GORAB: variants seen among roughly 807,000 people sequenced by gnomAD.
The protein encoded by GORAB is golgin, RAB6 interacting.
In GORAB, 17 loss-of-function variants were observed where a neutral mutation model predicts 29.9. The observed-to-expected ratio is 0.57, with a 90% CI of 0.39 to 0.85. The LOEUF (loss-of-function observed/expected upper bound fraction) is 0.85. GORAB is among the 40% of genes least tolerant of loss of function. GORAB has a pLI of 0.00. For missense variants in GORAB, 442 were observed against 437.8 expected (o/e 1.01, Z -0.09); for synonymous variants, 183 against 157.2 (o/e 1.16, Z -1.23).
intron 1 of GORAB, among the ~76,000 whole-genome samples, chr1:170,537,396 G>T (rs1649127833): frequency 6.6e-6 from 1 of 152,060 alleles, no homozygotes; most frequent in South Asian, 2.1e-4. Flanking sequence ...ACTGAATACT[G>T]ACTGTACAGT....
intron 1 of GORAB, among the ~76,000 whole-genome samples, chr1:170,535,269 C>A (rs1648987499): frequency 1.3e-5 from 2 of 152,300 alleles, no homozygotes; most frequent in South Asian, 4.1e-4. Context: ...ACTTCTACTA[C>A]TGTCATATTT....
At chr1:170,538,556 T>G (rs1485161222) in intron 1 of GORAB, among the ~76,000 whole-genome samples, 1 of 152,194 alleles carries the variant, frequency 6.6e-6, no homozygotes, top group Non-Finnish European at 1.5e-5. Context: ...ATTGCTTTAC[T>G]GAGGCTACTA....
intron 4 of GORAB, among the ~76,000 whole-genome samples, chr1:170,550,592 A>G (rs899317692): frequency 4.6e-5 from 7 of 152,222 alleles, no homozygotes; most frequent in African/African-American, 1.7e-4. Context: ...AAATGTCAGG[A>G]AGGTTTTGAA....
rs1649227809 is a variant in GORAB, at chr1:170,539,054, A to G, written c.62-156A>G. 11 of 799,672 alleles carry G rather than the reference A, an allele frequency of 1.4e-5. 1 individual carries two copies. The Middle Eastern group carries it at 1.0e-3, about 76-fold the overall frequency. 49.5% of individuals were successfully genotyped at this position (799,672 alleles called of 1,614,324 possible). Reference sequence around the variant, plus strand: ...TGAAAACTATTGAAACTCTACAGGAAGATGGCTGTTTTTCCCCTAGACTTT... The same window carrying G: ...TGAAAACTATTGAAACTCTACAGGAGGATGGCTGTTTTTCCCCTAGACTTT... On this transcript the variant is annotated intron_variant, in intron 1 of 4. Coordinates refer to ENST00000367763, the MANE Select transcript of GORAB (RefSeq NM_152281.3).
intron 4 of GORAB, chr1:170,545,730 A>C: frequency 2.0e-6 from 2 of 985,148 alleles, no homozygotes; most frequent in Non-Finnish European, 1.2e-6. Context: ...TTATATAACA[A>C]TTTATTAAAG....
intron 1 of GORAB, 77 bp downstream of exon 1, chr1:170,532,361 A>G (rs1304107566): frequency 9.3e-6 from 14 of 1,498,158 alleles, no homozygotes; most frequent in South Asian, 1.1e-5. Context: ...TGGCGGGGAA[A>G]GGGGGCGTGG....
chr1:170,537,279 A>G (rs1571240812), intron 1 of GORAB, among the ~76,000 whole-genome samples: 1 of 152,158 alleles, frequency 6.6e-6, no homozygotes, highest in African/African-American at 2.4e-5. Context: ...TAGGTTAGCC[A>G]TTGCATTGTG....
intron 2 of GORAB, 59 bp from the exon 3 acceptor site, chr1:170,542,432 T>C (rs1490767796): frequency 1.0e-6 from 1 of 961,648 alleles, no homozygotes; most frequent in Non-Finnish European, 1.7e-6. Context: ...AGGTGTTGGA[T>C]AGGGTAGCAG....
intron 4 of GORAB, among the ~76,000 whole-genome samples, chr1:170,546,900 G>C (rs944072155): frequency 2.6e-5 from 4 of 152,044 alleles, no homozygotes; most frequent in Admixed American, 6.5e-5. Flanking sequence ...GGCCAGGCTG[G>C]TCTCCAACTC....
intron 2 of GORAB, among the ~76,000 whole-genome samples, chr1:170,540,314 C>A (rs1649334969): frequency 6.6e-6 from 1 of 152,062 alleles, no homozygotes; most frequent in South Asian, 2.1e-4. Context: ...TTTGCAAATT[C>A]TTAGAATTTT....
At chr1:170,537,170 A>C (rs1042797559) in intron 1 of GORAB, among the ~76,000 whole-genome samples, 1 of 149,838 alleles carries the variant, frequency 6.7e-6, no homozygotes, top group East Asian at 1.9e-4. Context: ...TCTTTTATCC[A>C]ATCTTTACAT....
At chr1:170,535,724 C>T (rs1015138517) in intron 1 of GORAB, among the ~76,000 whole-genome samples, 1 of 151,710 alleles carries the variant, frequency 6.6e-6, no homozygotes, top group African/African-American at 2.4e-5. Flanking sequence ...TCCTTTCTTT[C>T]TTCTTTTTTT....
chr1:170,553,137 TTTA>T lies in GORAB; in HGVS notation c.*678_*680del. 2.3e-6 allele frequency: 1 copy of T among 438,498 alleles called. No individual in the cohort carries two copies. The highest frequency in any genetic ancestry group is 4.5e-6 in the Non-Finnish European group (1 of 221,230). The allele number at this position is 438,498 out of a possible 1,614,324, so 27.2% of individuals were successfully genotyped here. On this transcript the variant is annotated 3_prime_UTR_variant, in exon 5 of 5. Coordinates refer to ENST00000367763, the MANE Select transcript of GORAB (RefSeq NM_152281.3). ...ATATAAACACATGTAATTTTACTAT[TTTA>T]TTGTCTTTCCTTTAATCGATGAATT...
intron 4 of GORAB, among the ~76,000 whole-genome samples, chr1:170,547,810 C>T (rs766034389): frequency 6.6e-6 from 1 of 152,148 alleles, no homozygotes; most frequent in Non-Finnish European, 1.5e-5. Context: ...AGTCTAGATA[C>T]TTGTAAAATA....
chr1:170,544,681 C>T (rs754566739), intron 3 of GORAB, 24 bp from the exon 4 acceptor site: 1 of 1,609,350 alleles, frequency 6.2e-7, no homozygotes, highest in Non-Finnish European at 8.5e-7. Context: ...TCTTATTTTC[C>T]CACTCACATA....
At chr1:170,541,081 G>A (rs905098417) in intron 2 of GORAB, among the ~76,000 whole-genome samples, 3 of 151,762 alleles carry the variant, frequency 2.0e-5, no homozygotes, top group Admixed American at 2.0e-4. Flanking sequence ...GTGCATGCCT[G>A]TAGTCCCAGC....
At chr1:170,535,571 CA>C (rs1029488514) in intron 1 of GORAB, among the ~76,000 whole-genome samples, 13 of 152,214 alleles carry the variant, frequency 8.5e-5, no homozygotes, top group African/African-American at 3.1e-4. Context: ...GACTGGCTTT[CA>C]CTCTGTTGCC....
At chr1:170,535,002 G>A (rs1350179208) in intron 1 of GORAB, among the ~76,000 whole-genome samples, 1 of 152,100 alleles carries the variant, frequency 6.6e-6, no homozygotes, top group African/African-American at 2.4e-5. Flanking sequence ...GTTTTCACTC[G>A]TTTCATGTTT....
At chr1:170,545,836 T>C (rs1352076395) in intron 4 of GORAB, 2 of 667,888 alleles carry the variant, frequency 3.0e-6, no homozygotes, top group Non-Finnish European at 3.7e-6. Context: ...TGTTGGACCA[T>C]ATGCTATTAG....
Sources: allele counts gnomAD v4.1 joint callset (sites outside exome capture counted in the v4.1 genomes callset), GRCh38; gene constraint gnomAD v4.1.1; transcripts MANE v1.5; gene names NCBI Gene and HGNC (gene_info 2026-07-23, HGNC 2026-07-21).